CYP4F22: variants seen among roughly 807,000 people sequenced by gnomAD.
CYP4F22 encodes the protein ultra-long-chain fatty acid omega-hydroxylase.
Under a neutral mutation model 60.4 loss-of-function variants are expected in CYP4F22, and 37 were observed. The ratio of observed to expected loss-of-function variants is 0.61; its 90% confidence interval spans 0.47 to 0.81. CYP4F22 has a LOEUF of 0.81. Among genes scored for constraint, CYP4F22 ranks in the 30% least tolerant of loss-of-function variants. The pLI, the probability that CYP4F22 is intolerant of heterozygous loss-of-function variation, is 0.00. For synonymous variants in CYP4F22, 258 were observed against 280.5 expected, an observed-to-expected ratio of 0.92 and a Z score of 0.80; for missense variants, 655 against 715.0, an observed-to-expected ratio of 0.92 and a Z score of 0.96.
Position 15,551,651 on chromosome 19 carries a change from T to C in CYP4F22, c.*180T>C, listed in dbSNP as rs758555912. 7 of 803,806 alleles carry C rather than the reference T, an allele frequency of 8.7e-6. No homozygotes were observed. Among genetic ancestry groups the C allele is most frequent in the South Asian group, 3.6e-5 (2 of 54,866 alleles). 49.8% of individuals were successfully genotyped at this position (803,806 alleles called of 1,614,324 possible). ...CTGGCCACGCCCCTCAAGGCAAGGC[T>C]CCTCCCCTTAGGGGGCCTGATCCCG... On this transcript the variant is annotated 3_prime_UTR_variant, in exon 14 of 14. Transcript: ENST00000269703.
At chr19:15,532,662 G>A (rs1438301235) in intron 4 of CYP4F22, among the ~76,000 whole-genome samples, 1 of 151,548 alleles carries the variant, frequency 6.6e-6, no homozygotes, top group Non-Finnish European at 1.5e-5. Context: ...GATTACAGGC[G>A]TGAGCTACAG....
At position 15,525,445 on chromosome 19, in the gene CYP4F22, C is replaced by G; in HGVS notation, c.109C>G (p.Arg37Gly). Residue 37 changes from arginine (R) to glycine (G), a missense_variant, in exon 3 of 14, where the codon CGC becomes GGC. Around this residue, in one of 3 missense-constraint regions of CYP4F22, gnomAD observed 430 missense variants for 457.1 expected, o/e 0.94. Coordinates refer to ENST00000269703, the MANE Select transcript of CYP4F22 (RefSeq NM_173483.4). ...LLLFLLFFLF[R>G]LLLRFLRLCR... Reference sequence around the variant, plus strand: ...CCTCTTCCTGCTCTTCTTCCTGTTCCGCCTGCTGCTGCGGTTCCTGAGGCT... The same window carrying G: ...CCTCTTCCTGCTCTTCTTCCTGTTCGGCCTGCTGCTGCGGTTCCTGAGGCT... 1 of 1,614,170 alleles carries G rather than the reference C, an allele frequency of 6.2e-7. No homozygotes were observed.
chr19:15,543,120 G>T (rs1213751048), intron 8 of CYP4F22, among the ~76,000 whole-genome samples: 1 of 152,128 alleles, frequency 6.6e-6, no homozygotes, highest in Non-Finnish European at 1.5e-5. Flanking sequence ...GGTCTTTGAG[G>T]AATTGCCACA....
rs146026019 is a variant in CYP4F22, at chr19:15,525,496, C to T, written c.160C>T (p.Arg54Cys). The T allele has an allele frequency of 3.2e-4, 515 of 1,613,450 alleles. 5 individuals carry two copies. The Middle Eastern group carries it at 0.013, about 39-fold the overall frequency. The change falls in exon 3 of 14, where the codon CGC becomes TGC. Residue 54 changes from arginine to cysteine, a missense_variant. Arg to Cys is a radical substitution (Grantham distance 180). Around this residue, in one of 3 missense-constraint regions of CYP4F22, gnomAD observed 430 missense variants for 457.1 expected, o/e 0.94. Transcript: ENST00000269703. ...CTGCAGGAGCTTCTACATCACCTGC[C>T]GCCGGCTGCGCTGCTTCCCCCAGCC... Reference protein sequence around the residue: ...RLCRSFYITCRRLRCFPQPPR... With the variant: ...RLCRSFYITCCRLRCFPQPPR...
chr19:15,549,283 G>A, intron 12 of CYP4F22, 81 bp downstream of exon 12: 1 of 1,473,860 alleles, frequency 6.8e-7, no homozygotes. Context: ...AGGGCTGGTT[G>A]CAGGGCCTGA....
At position 15,513,349 on chromosome 19, in the gene CYP4F22, G is replaced by GTATATA. The variant is rs201094997; in HGVS notation, c.-109+4774_-109+4779dup. On this transcript the variant is annotated intron_variant, in intron 1 of 13. Transcript: ENST00000269703. ...TGCTGCCACGCCCTGCTAATTTTTT[G>GTATATA]TATATATATATATTTTTTTTTTTTT... Among the ~76,000 whole-genome samples the GTATATA allele has an allele frequency of 2.9e-3, 215 of 75,206 alleles. 6 individuals are homozygous for GTATATA. The highest frequency in any genetic ancestry group is 0.012 in the Middle Eastern group (2 of 166). 49.3% of individuals were successfully genotyped at this position (75,206 alleles called of 152,430 possible).
intron 13 of CYP4F22, 58 bp downstream of exon 13, chr19:15,550,814 G>C: frequency 6.3e-7 from 1 of 1,591,110 alleles, no homozygotes; most frequent in Non-Finnish European, 8.6e-7. Flanking sequence ...GGCAGGGAAA[G>C]ATCAGGAATG....
At chr19:15,509,904 C>CCTTCCTTTCCTTCCTTCTTT (rs1323141197) in intron 1 of CYP4F22, among the ~76,000 whole-genome samples, 1 of 86,694 alleles carries the variant, frequency 1.2e-5, no homozygotes, top group Non-Finnish European at 2.5e-5. Context: ...TTCCTTCCTT[C>CCTTCCTTTCCTTCCTTCTTT]CTTTCTTTCT....
chr19:15,521,814 A>T (rs1971228995), intron 1 of CYP4F22, among the ~76,000 whole-genome samples: 1 of 152,108 alleles, frequency 6.6e-6, no homozygotes, highest in South Asian at 2.1e-4. Context: ...GGGATCACAG[A>T]CATGCACCAC....
intron 3 of CYP4F22, 65 bp from the exon 4 acceptor site, chr19:15,529,644 G>C (rs1329429105): frequency 3.7e-6 from 6 of 1,602,530 alleles, no homozygotes; most frequent in Non-Finnish European, 5.1e-6. Flanking sequence ...GAGGTGGCAG[G>C]AGGAAGGCAG....
Position 15,548,002 on chromosome 19 carries a change from AGTGTGT to A in CYP4F22, c.1137-63_1137-58del, listed in dbSNP as rs1162465828. ...GAGAGAGAGAGAGAGAGAGGGAGAG[AGTGTGT>A]GTGTGTGTGTGTGTGTGTGTGTGTG... On this transcript the variant is annotated intron_variant, in intron 10 of 13. Transcript: ENST00000269703. The A allele has an allele frequency of 5.3e-3, 1,939 of 365,462 alleles. 90 individuals are homozygous for A. Among genetic ancestry groups the A allele is most frequent in the African/African-American group, 0.023 (610 of 26,028 alleles). The allele number at this position is 365,462 out of a possible 1,614,324, so 22.6% of individuals were successfully genotyped here. A position where few individuals can be genotyped will look rare whatever the true frequency, so the allele number is the denominator to read the frequency against.
At chr19:15,537,074 G>C (rs1263655719) in intron 4 of CYP4F22, among the ~76,000 whole-genome samples, 2 of 152,114 alleles carry the variant, frequency 1.3e-5, no homozygotes, top group Non-Finnish European at 2.9e-5. Flanking sequence ...TGAGGTGGGT[G>C]GATCACTTGA....
chr19:15,521,453 G>A (rs1012399932), intron 1 of CYP4F22, among the ~76,000 whole-genome samples: 1 of 151,738 alleles, frequency 6.6e-6, no homozygotes, highest in African/African-American at 2.4e-5. Flanking sequence ...GGCTGGCCTC[G>A]AACTCTTGAC....
At position 15,525,522 on chromosome 19, in the gene CYP4F22, TC is replaced by T; in HGVS notation, c.190del (p.Arg64GlyfsTer73). ...CRRLRCFPQPPRRNWLLGHLG... is the reference protein window; with the variant it reads ...CRRLRCFPQPXRRNWLLGHLG... Reference sequence around the variant, plus strand: ...GCCGGCTGCGCTGCTTCCCCCAGCCTCCCCGGCGCAACTGGCTGCTGGGCCA... The same window carrying T: ...GCCGGCTGCGCTGCTTCCCCCAGCCTCCCGGCGCAACTGGCTGCTGGGCCA... On this transcript the variant is annotated frameshift_variant, in exon 3 of 14. Transcript: ENST00000269703. LOFTEE classifies it high-confidence loss of function. 6.2e-7 allele frequency: 1 copy of T among 1,611,820 alleles called. No homozygotes were observed.
chr19:15,511,980 G>A (rs1038514436), intron 1 of CYP4F22, among the ~76,000 whole-genome samples: 2 of 152,208 alleles, frequency 1.3e-5, no homozygotes, highest in African/African-American at 4.8e-5. Context: ...CGGGCCTGCT[G>A]GATGAGATCG....
At chr19:15,515,793 G>A (rs555737451) in intron 1 of CYP4F22, among the ~76,000 whole-genome samples, 257 of 151,842 alleles carry the variant, frequency 1.7e-3, no homozygotes, top group African/African-American at 5.5e-3. Flanking sequence ...GCGCGATCTC[G>A]GCTCACTGCA....
intron 1 of CYP4F22, among the ~76,000 whole-genome samples, chr19:15,520,084 C>G: frequency 6.6e-6 from 1 of 152,098 alleles, no homozygotes; most frequent in Non-Finnish European, 1.5e-5. Flanking sequence ...GTGGCTCAAG[C>G]CTGTAATCCC....
chr19:15,548,263 C>T, intron 11 of CYP4F22, 22 bp downstream of exon 11: 4 of 1,613,730 alleles, frequency 2.5e-6, no homozygotes, highest in Non-Finnish European at 2.5e-6. Flanking sequence ...GTTCCGCCTG[C>T]TGCTGGTGCA....
At chr19:15,509,171 G>A (rs537356658) in intron 1 of CYP4F22, among the ~76,000 whole-genome samples, 1 of 152,300 alleles carries the variant, frequency 6.6e-6, no homozygotes, top group Non-Finnish European at 1.5e-5. Context: ...TGAGGGTTGT[G>A]TGAGGTCCTG....
Sources: allele counts gnomAD v4.1 joint callset (sites outside exome capture counted in the v4.1 genomes callset), GRCh38; gene constraint gnomAD v4.1.1; regional missense constraint gnomAD v4.1.1; transcripts MANE v1.5; gene names NCBI Gene and HGNC (gene_info 2026-07-23, HGNC 2026-07-21).